GART: variants seen among roughly 807,000 people sequenced by gnomAD.
GART encodes trifunctional purine biosynthetic protein adenosine-3.
GART carries 43 observed loss-of-function variants against 107.2 expected under a neutral mutation model. The ratio of observed to expected loss-of-function variants is 0.40; its 90% CI spans 0.31 to 0.52. The LOEUF is 0.52. GART is among the 20% of genes least tolerant of loss of function. The probability of loss-of-function intolerance (pLI) is 0.52; values close to 1 mark genes in which losing one functional copy is unlikely to be tolerated. For missense variants in GART, 1,107 were observed against 1,206.5 expected, an observed-to-expected ratio of 0.92 and a Z score of 1.22; for synonymous variants, 434 against 427.0, an observed-to-expected ratio of 1.02 and a Z score of -0.20.
At chr21:33,528,043 C>A in intron 10 of GART, 124 bp downstream of exon 10, 1 of 811,734 alleles carries the variant, frequency 1.2e-6, no homozygotes, top group Non-Finnish European at 2.0e-6. Flanking sequence ...TGGTTAAGAC[C>A]CTCTGAAAGG....
At chr21:33,533,559 T>C (rs1417965272) in intron 4 of GART, among the ~76,000 whole-genome samples, 1 of 152,084 alleles carries the variant, frequency 6.6e-6, no homozygotes, top group Non-Finnish European at 1.5e-5. Context: ...TAATTATTTA[T>C]GACAAAAAAA....
rs752651727 is a variant in GART, at chr21:33,528,973, T to C, written c.724-36A>G. ...TGCAGAAACAGTTAAATGTAACAGG[T>C]AACTTAAAAAGTCTAAGTAGTATTA... On this transcript the variant is annotated intron_variant, in intron 7 of 21. Coordinates refer to ENST00000381815, the MANE Select transcript of GART (RefSeq NM_000819.5). 9.7e-6 allele frequency: 14 copies of C among 1,437,862 alleles called. No individual in the cohort carries two copies. In the South Asian group the frequency reaches 1.6e-4, roughly 16 times the overall value. The allele number at this position is 1,437,862 out of a possible 1,614,324, so 89.1% of individuals were successfully genotyped here.
intron 10 of GART, among the ~76,000 whole-genome samples, chr21:33,526,569 GTTTC>G (rs2085077861): frequency 6.6e-6 from 1 of 151,346 alleles, no homozygotes; most frequent in East Asian, 1.9e-4. Context: ...TGAGACTTAA[GTTTC>G]TTTCTTTTCA....
rs2084635621 is a variant in GART at position 33,503,992 on chromosome 21, T to C, written c.*132A>G. On this transcript the variant is annotated 3_prime_UTR_variant, in exon 22 of 22. Coordinates refer to ENST00000381815, the MANE Select transcript of GART (RefSeq NM_000819.5). ...AGTGAGTCTCTATTTATTAAAAAAA[T>C]AGATGAAGTAAGGGTGAGGTCTTTT... 5.7e-6 allele frequency: 4 copies of C among 703,402 alleles called. No individual in the cohort carries two copies. The highest frequency in any genetic ancestry group is 5.4e-5 in the African/African-American group (3 of 55,946). The allele number at this position is 703,402 out of a possible 1,614,324, so 43.6% of individuals were successfully genotyped here. A position where few individuals can be genotyped will look rare whatever the true frequency, so the allele number is the denominator to read the frequency against.
chr21:33,513,500 G>A (rs2084826788), intron 16 of GART, among the ~76,000 whole-genome samples: 2 of 152,098 alleles, frequency 1.3e-5, no homozygotes, highest in African/African-American at 4.8e-5. Flanking sequence ...AACCCGGGAG[G>A]TGGAGGTTGC....
At chr21:33,542,797 A>T, upstream of GART, 1 of 469,562 alleles carries the variant, frequency 2.1e-6, no homozygotes, top group Non-Finnish European at 3.9e-6. Flanking sequence ...TTATGCGGAC[A>T]CGGTCGCCTC....
chr21:33,511,155 C>T, intron 17 of GART, 97 bp downstream of exon 17: 1 of 1,284,904 alleles, frequency 7.8e-7, no homozygotes, highest in Non-Finnish European at 1.1e-6. Context: ...GATGGCTGCA[C>T]TAAAAGGTGG....
Position 33,506,064 on chromosome 21 carries a change from T to C in GART, c.2493A>G (p.Pro831=). 6.2e-7 allele frequency: 1 copy of C among 1,614,178 alleles called. No individual in the cohort carries two copies. Among genetic ancestry groups the C allele is most frequent in the Non-Finnish European group, 8.5e-7 (1 of 1,180,032 alleles). Residue 831 remains proline (P), a synonymous_variant, in exon 19 of 22, where the codon CCA becomes CCG. Transcript: ENST00000381815. ...CAATATCAATTTGTGCAGAGCTATT[T>C]GGTTCCCGAGTACTGTCTATAAGTG... is the stretch of plus-strand genomic sequence containing the variant. The part of the protein sequence containing the change: ...LQALIDSTRE[P]NSSAQIDIVI...
intron 16 of GART, among the ~76,000 whole-genome samples, chr21:33,514,070 C>T (rs1351400633): frequency 6.6e-6 from 1 of 152,120 alleles, no homozygotes; most frequent in African/African-American, 2.4e-5. Flanking sequence ...AGTTTAAGAT[C>T]AGCCTGGGCA....
At position 33,528,330 on chromosome 21, in the gene GART, G is replaced by A. The variant is rs148803928; in HGVS notation, c.903C>T (p.Ile301=). 605 of 1,613,392 alleles carry A rather than the reference G, an allele frequency of 3.7e-4. 4 individuals carry two copies. The African/African-American group carries it at 5.0e-3, about 13-fold the overall frequency. ...CRFGDPECQV[I]LPLLKSDLYE... is the part of the protein sequence containing the mutation. ...AAAGATCACTTTTAAGAAGTGGGAG[G>A]ATTACCTGGAAAAACATAATCCACA... is the stretch of plus-strand genomic sequence containing the variant. Residue 301 remains isoleucine, a synonymous_variant, in exon 10 of 22, where the codon ATC becomes ATT. Coordinates refer to ENST00000381815, the MANE Select transcript of GART (RefSeq NM_000819.5).
intron 12 of GART, among the ~76,000 whole-genome samples, chr21:33,521,308 A>G (rs915942164): frequency 2.0e-5 from 3 of 152,138 alleles, no homozygotes; most frequent in Admixed American, 1.3e-4. Context: ...AGTATGAGAG[A>G]TTGCACCATG....
At chr21:33,527,343 A>G (rs2085092672) in intron 10 of GART, among the ~76,000 whole-genome samples, 1 of 152,048 alleles carries the variant, frequency 6.6e-6, no homozygotes. Flanking sequence ...ACATGGTGAA[A>G]CCCCATCTCT....
intron 7 of GART, among the ~76,000 whole-genome samples, chr21:33,529,401 T>C (rs1267575886): frequency 6.6e-6 from 1 of 152,042 alleles, no homozygotes; most frequent in East Asian, 1.9e-4. Flanking sequence ...CCACTGTGCC[T>C]GGCCTACACT....
chr21:33,527,952 T>C (rs997231359), intron 10 of GART, among the ~76,000 whole-genome samples: 1 of 152,208 alleles, frequency 6.6e-6, no homozygotes, highest in African/African-American at 2.4e-5. Context: ...ACTTATGTCT[T>C]CCTTGCACAG....
At chr21:33,526,003 G>C (rs1198745389) in intron 10 of GART, among the ~76,000 whole-genome samples, 1 of 149,882 alleles carries the variant, frequency 6.7e-6, no homozygotes, top group Admixed American at 6.6e-5. Flanking sequence ...CTGAGTAGCT[G>C]GGACTACAGG....
intron 4 of GART, among the ~76,000 whole-genome samples, chr21:33,533,472 A>AAT (rs1569033348): frequency 6.6e-6 from 1 of 150,474 alleles, no homozygotes; most frequent in Non-Finnish European, 1.5e-5. Flanking sequence ...AATAAAAATA[A>AAT]AAATAAATAA....
chr21:33,508,415 T>G (rs1017564532), intron 18 of GART, among the ~76,000 whole-genome samples: 1 of 152,048 alleles, frequency 6.6e-6, no homozygotes, highest in Non-Finnish European at 1.5e-5. Flanking sequence ...GGGCTTCTAG[T>G]GTACCTATTA....
At chr21:33,530,443 C>T (rs1217104348) in intron 7 of GART, among the ~76,000 whole-genome samples, 1 of 152,134 alleles carries the variant, frequency 6.6e-6, no homozygotes, top group East Asian at 1.9e-4. Flanking sequence ...TGTGCTGAAC[C>T]ACGGATATCC....
intron 4 of GART, among the ~76,000 whole-genome samples, chr21:33,533,562 C>CA (rs562419138): frequency 4.1e-4 from 62 of 151,592 alleles, no homozygotes; most frequent in African/African-American, 1.4e-3. Flanking sequence ...TTATTTATGA[C>CA]AAAAAAAATC....
Sources: gnomAD v4.1 joint callset for allele counts (sites outside exome capture counted in the v4.1 genomes callset) on GRCh38, gnomAD v4.1.1 for gene constraint, MANE v1.5 for transcripts, NCBI Gene and HGNC (gene_info 2026-07-23, HGNC 2026-07-21) for gene names.